DPP6: variants seen among roughly 807,000 people sequenced by gnomAD.
DPP6 encodes the protein dipeptidyl peptidase like 6.
In DPP6, 69 loss-of-function variants were observed where a neutral mutation model predicts 122.6. That is an observed-to-expected ratio of 0.56 (90% confidence interval 0.46 to 0.69). DPP6 has a LOEUF of 0.69. Ranked by LOEUF, DPP6 falls within the 30% of genes least tolerant of loss-of-function variation. The pLI is 0.00. For synonymous variants in DPP6, 418 were observed against 433.1 expected (o/e 0.97, Z 0.43); for missense variants, 928 against 1,116.9 (o/e 0.83, Z 2.41).
At chr7:154,303,336 C>T (rs2150983133) in intron 1 of DPP6, among the ~76,000 whole-genome samples, 1 of 152,254 alleles carries the variant, frequency 6.6e-6, no homozygotes, top group South Asian at 2.1e-4. Context: ...CCTGGCTACC[C>T]AGCCCTTCTT....
intron 1 of DPP6, among the ~76,000 whole-genome samples, chr7:154,339,202 G>A (rs928096201): frequency 4.6e-5 from 7 of 152,314 alleles, no homozygotes; most frequent in Non-Finnish European, 7.3e-5. Flanking sequence ...TCTTTGGCAC[G>A]CGTTAAGCAG....
chr7:154,141,312 CAT>C (rs1313602668), intron 1 of DPP6, among the ~76,000 whole-genome samples: 1 of 152,198 alleles, frequency 6.6e-6, no homozygotes. Context: ...GCAAAAACAC[CAT>C]ATGCACCTTA....
intron 4 of DPP6, among the ~76,000 whole-genome samples, chr7:154,557,105 A>G (rs1046730578): frequency 4.6e-5 from 7 of 152,128 alleles, no homozygotes; most frequent in Non-Finnish European, 8.8e-5. Flanking sequence ...CCAAGACGGG[A>G]AGTTTGTTGA....
chr7:154,885,011 A>G (rs1806025696), intron 21 of DPP6: 1 of 152,496 alleles, frequency 6.6e-6, no homozygotes, highest in Non-Finnish European at 1.5e-5. Context: ...CGGAGGCTGC[A>G]GCTCGTCTGA....
At chr7:154,005,660 A>T (rs1797882436) in intron 1 of DPP6, among the ~76,000 whole-genome samples, 1 of 121,192 alleles carries the variant, frequency 8.3e-6, no homozygotes, top group Admixed American at 1.1e-4. Context: ...GACCTCGGGG[A>T]TTGTGGTTCT....
the DPP6 span, among the ~76,000 whole-genome samples, chr7:153,858,506 T>C: frequency 6.6e-6 from 1 of 152,182 alleles, no homozygotes; most frequent in Non-Finnish European, 1.5e-5. Context: ...AGCCCAGTGA[T>C]GACGCTGTCC....
the DPP6 span, among the ~76,000 whole-genome samples, chr7:153,780,329 A>T: frequency 6.6e-6 from 1 of 152,218 alleles, no homozygotes; most frequent in Non-Finnish European, 1.5e-5. Flanking sequence ...CAATGCCTGT[A>T]AATAGTTTGA....
At chr7:154,114,829 A>T (rs1806864633) in intron 1 of DPP6, among the ~76,000 whole-genome samples, 1 of 152,110 alleles carries the variant, frequency 6.6e-6, no homozygotes, top group African/African-American at 2.4e-5. Flanking sequence ...CCTGATTTAC[A>T]CCTGACTTCG....
chr7:154,261,908 C>A (rs111425393), intron 1 of DPP6, among the ~76,000 whole-genome samples: 1 of 151,884 alleles, frequency 6.6e-6, no homozygotes, highest in African/African-American at 2.4e-5. Flanking sequence ...CTTGGAGAAG[C>A]TCTAGGGGAA....
chr7:154,212,454 A>C (rs10952464), intron 1 of DPP6, among the ~76,000 whole-genome samples: 120,954 of 152,078 alleles, frequency 0.8, 48,480 homozygotes, highest in Non-Finnish European at 0.85. Context: ...TTGAGAATTC[A>C]AACCTGACCA....
intron 10 of DPP6, among the ~76,000 whole-genome samples, chr7:154,789,329 A>G (rs1797533097): frequency 6.6e-6 from 1 of 152,228 alleles, no homozygotes; most frequent in Admixed American, 6.5e-5. Flanking sequence ...ACACCCATTT[A>G]GCAAAGGTTT....
intron 1 of DPP6, among the ~76,000 whole-genome samples, chr7:154,046,942 G>C (rs1446931747): frequency 6.6e-6 from 1 of 151,906 alleles, no homozygotes; most frequent in Non-Finnish European, 1.5e-5. Flanking sequence ...GTTTCTATTA[G>C]CCTGCAGGAG....
intron 1 of DPP6, among the ~76,000 whole-genome samples, chr7:153,962,205 G>A (rs918834916): frequency 5.9e-5 from 9 of 152,072 alleles, no homozygotes; most frequent in African/African-American, 2.2e-4. Context: ...TGGAAGGGAA[G>A]TGAGGTGCCA....
In DPP6 at chr7:154,386,013, G is replaced by A. The variant is rs77782937; in HGVS notation, c.244-60201G>A. ...CTTCATGATATCATTCTTCCAGAAA[G>A]CCAACCCTTTCTTGCAAAAGTACAA... On this transcript the variant is annotated intron_variant, in intron 1 of 25. Transcript: ENST00000377770. Among the ~76,000 whole-genome samples the A allele has an allele frequency of 0.011, 1,703 of 152,204 alleles. 51 individuals carry two copies. In the East Asian group the frequency reaches 0.11, roughly 10 times the overall value.
intron 1 of DPP6, among the ~76,000 whole-genome samples, chr7:154,255,741 G>T (rs543888408): frequency 7.2e-5 from 11 of 152,292 alleles, no homozygotes; most frequent in African/African-American, 1.9e-4. Context: ...ATGCCACAGC[G>T]CTTGAATGTT....
chr7:154,475,169 C>A, intron 3 of DPP6, 132 bp downstream of exon 3: 1 of 724,356 alleles, frequency 1.4e-6, no homozygotes, highest in Non-Finnish European at 2.5e-6. Flanking sequence ...AGAGCTTTTG[C>A]TGTAGTCATC....
intron 1 of DPP6, among the ~76,000 whole-genome samples, chr7:154,297,540 C>G (rs944817088): frequency 1.3e-5 from 2 of 152,188 alleles, no homozygotes; most frequent in African/African-American, 2.4e-5. Flanking sequence ...TCAGGACACT[C>G]TGAACACAAT....
chr7:153,931,653 T>G (rs549055335), intron 1 of DPP6, among the ~76,000 whole-genome samples: 2 of 152,402 alleles, frequency 1.3e-5, no homozygotes, highest in South Asian at 4.1e-4. Flanking sequence ...CTTTGAGCAC[T>G]TATTTCTGTG....
At chr7:154,820,610 C>T (rs1799698511) in intron 16 of DPP6, among the ~76,000 whole-genome samples, 1 of 152,116 alleles carries the variant, frequency 6.6e-6, no homozygotes, top group Admixed American at 6.5e-5. Flanking sequence ...AGAAAGTGCC[C>T]TAGAAAATAC....
Sources: allele counts gnomAD v4.1 joint callset (sites outside exome capture counted in the v4.1 genomes callset), GRCh38; gene constraint gnomAD v4.1.1; transcripts MANE v1.5; gene names NCBI Gene and HGNC (gene_info 2026-07-23, HGNC 2026-07-21).